Variants in BIVM observed in about 807,000 individuals in gnomAD.
BIVM encodes the protein basic immunoglobulin-like variable motif-containing protein.
A neutral mutation model predicts 61.4 loss-of-function variants in BIVM; 31 were observed. The ratio of observed to expected loss-of-function variants is 0.51; its 90% CI spans 0.38 to 0.68. The LOEUF is 0.68. Among genes scored for constraint, BIVM ranks in the 30% least tolerant of loss-of-function variants. The pLI is 0.00. For synonymous variants in BIVM, 189 were observed against 210.7 expected (o/e 0.90, Z 0.89); for missense variants, 526 against 596.0 (o/e 0.88, Z 1.22).
chr13:102,818,068 T>C (rs975908191), intron 4 of BIVM, among the ~76,000 whole-genome samples: 9 of 152,070 alleles, frequency 5.9e-5, no homozygotes, highest in Non-Finnish European at 1.3e-4. Context: ...TGAAAGGAGG[T>C]AATGATCACC....
Position 102,807,371 on chromosome 13 carries a change from C to A in BIVM, c.104C>A (p.Ser35Tyr), listed in dbSNP as rs1254366556. 2 of 1,614,194 alleles carry A rather than the reference C, an allele frequency of 1.2e-6. No individual in the cohort carries two copies. Among genetic ancestry groups the A allele is most frequent in the Non-Finnish European group, 1.7e-6 (2 of 1,180,042 alleles). Residue 35 changes from serine (S) to tyrosine (Y), a missense_variant, in exon 3 of 11, where the codon TCT becomes TAT. Around this residue, in one of 3 missense-constraint regions of BIVM, gnomAD observed 312 missense variants for 343.8 expected, o/e 0.91. Coordinates refer to ENST00000257336, the MANE Select transcript of BIVM (RefSeq NM_017693.4). This position sits in a 1 kb window ranked among gnomAD's most constrained non-coding sequence, Gnocchi z 4.0. ...PEENLQGAVK[S>Y]FCTSASGAPL... ...GAGAATCTACAAGGTGCTGTAAAAT[C>A]TTTCTGCACAAGTGCCTCAGGAGCA...
chr13:102,829,623 G>A (rs1880916528), intron 7 of BIVM, among the ~76,000 whole-genome samples: 1 of 152,092 alleles, frequency 6.6e-6, no homozygotes. Flanking sequence ...CGGGACACTT[G>A]ATTTTGGGAA....
intron 7 of BIVM, 32 bp downstream of exon 7, chr13:102,822,191 A>G: frequency 6.3e-7 from 1 of 1,585,074 alleles, no homozygotes; most frequent in Non-Finnish European, 8.7e-7. Flanking sequence ...TTACATACAC[A>G]CATACACACA....
At chr13:102,825,753 C>T (rs1231783402) in intron 7 of BIVM, among the ~76,000 whole-genome samples, 1 of 152,166 alleles carries the variant, frequency 6.6e-6, no homozygotes, top group Non-Finnish European at 1.5e-5. Flanking sequence ...ATTTATTTGT[C>T]CATCCTGGAC....
At chr13:102,821,533 T>A (rs1880285130) in intron 5 of BIVM, among the ~76,000 whole-genome samples, 1 of 152,014 alleles carries the variant, frequency 6.6e-6, no homozygotes, top group African/African-American at 2.4e-5. Context: ...GCCCAGGAGT[T>A]TAAGGCTGCA....
At chr13:102,817,795 T>G (rs1879975960) in intron 4 of BIVM, among the ~76,000 whole-genome samples, 1 of 152,170 alleles carries the variant, frequency 6.6e-6, no homozygotes, top group Admixed American at 6.5e-5. Flanking sequence ...TGAAAACAAG[T>G]TTAATTCATG....
chr13:102,837,575 A>C (rs1881562897), intron 9 of BIVM, among the ~76,000 whole-genome samples: 1 of 152,248 alleles, frequency 6.6e-6, no homozygotes, highest in African/African-American at 2.4e-5. Context: ...AAGGAAAATA[A>C]GTCATATGAA....
chr13:102,831,915 G>A (rs1881112395), intron 8 of BIVM, among the ~76,000 whole-genome samples: 1 of 150,610 alleles, frequency 6.6e-6, no homozygotes, highest in Non-Finnish European at 1.5e-5. Context: ...CGTGGTGGCA[G>A]GCGCCTGTAG....
Position 102,839,658 on chromosome 13 carries a change from T to C in BIVM, c.1305T>C (p.Ile435=). The change falls in exon 11 of 11, where the codon ATT becomes ATC. Residue 435 remains isoleucine (I), a synonymous_variant. Transcript: ENST00000257336. ...FGLWNFPFGT[I]RQESQPPTHA... The stretch of plus-strand genomic sequence containing the variant: ...TTTGGAACTTTCCATTTGGAACCAT[T>C]AGACAAGAATCACAACCTCCAACAC... 3.1e-6 allele frequency: 5 copies of C among 1,614,154 alleles called. No homozygotes were observed. The highest frequency in any genetic ancestry group is 4.2e-6 in the Non-Finnish European group (5 of 1,180,026).
intron 9 of BIVM, among the ~76,000 whole-genome samples, chr13:102,837,385 T>A (rs550087262): frequency 1.1e-3 from 160 of 152,322 alleles, no homozygotes; most frequent in African/African-American, 3.7e-3. Flanking sequence ...TTTAAAAAAA[T>A]TTTTTCAGTA....
chr13:102,838,612 A>C, intron 9 of BIVM, 31 bp from the exon 10 acceptor site: 1 of 1,569,120 alleles, frequency 6.4e-7, no homozygotes, highest in South Asian at 1.2e-5. Flanking sequence ...CCTAAAGAAA[A>C]TTGTGCTTTA....
At chr13:102,832,740 A>G (rs137970891) in intron 8 of BIVM, among the ~76,000 whole-genome samples, 103 of 152,326 alleles carry the variant, frequency 6.8e-4, no homozygotes, top group African/African-American at 2.2e-3. Flanking sequence ...TTTATTTCCA[A>G]TGTCAGAAAC....
intron 3 of BIVM, among the ~76,000 whole-genome samples, chr13:102,816,205 A>G (rs927902439): frequency 6.6e-6 from 1 of 152,194 alleles, no homozygotes; most frequent in African/African-American, 2.4e-5. Flanking sequence ...TTTCTCTTTA[A>G]GGTAGGGGAC....
chr13:102,801,165 A>C (rs1047768816), intron 1 of BIVM, among the ~76,000 whole-genome samples: 1 of 152,072 alleles, frequency 6.6e-6, no homozygotes, highest in African/African-American at 2.4e-5. Context: ...CGAGCAAACC[A>C]TATTTCTATT....
At chr13:102,824,179 A>G (rs1168013969) in intron 7 of BIVM, among the ~76,000 whole-genome samples, 1 of 152,178 alleles carries the variant, frequency 6.6e-6, no homozygotes, top group Non-Finnish European at 1.5e-5. Context: ...TAAACTGAAT[A>G]CATAGCAGTT....
At chr13:102,815,852 A>G (rs1183337695) in intron 3 of BIVM, among the ~76,000 whole-genome samples, 2 of 152,204 alleles carry the variant, frequency 1.3e-5, no homozygotes, top group African/African-American at 4.8e-5. Flanking sequence ...TCTGTGCTAG[A>G]GTTGCATTTT....
intron 8 of BIVM, among the ~76,000 whole-genome samples, chr13:102,833,483 A>G (rs917281499): frequency 3.3e-5 from 5 of 151,838 alleles, no homozygotes; most frequent in African/African-American, 7.3e-5. Context: ...ACACACCACC[A>G]TACTTGGCTA....
chr13:102,802,072 G>C (rs1484359623), intron 1 of BIVM, among the ~76,000 whole-genome samples: 1 of 152,208 alleles, frequency 6.6e-6, no homozygotes, highest in East Asian at 1.9e-4. Context: ...GGAGTTCTGT[G>C]ATCATATATA....
rs754388366 is a variant in BIVM at position 102,839,824 on chromosome 13, A to G, written c.1471A>G (p.Ser491Gly). The G allele has an allele frequency of 1.9e-6, 3 of 1,613,684 alleles. No individual in the cohort carries two copies. The highest frequency in any genetic ancestry group is 1.1e-5 in the South Asian group (1 of 91,086). ...GTCTAGTATCCATGAGAGAAGGAAC[A>G]GTGGTTACCAGGGTTACAGTGATTA... ...KMSSIHERRNSGYQGYSDYDG... is the reference protein window; with the variant it reads ...KMSSIHERRNGGYQGYSDYDG... The change falls in exon 11 of 11, where the codon AGT becomes GGT. Residue 491 changes from serine (S) to glycine (G), a missense_variant. Around this residue, in one of 3 missense-constraint regions of BIVM, gnomAD observed 210 missense variants for 233.1 expected, o/e 0.90. Coordinates refer to ENST00000257336, the MANE Select transcript of BIVM (RefSeq NM_017693.4).
Sources: gnomAD v4.1 joint callset for allele counts (sites outside exome capture counted in the v4.1 genomes callset) on GRCh38, gnomAD v4.1.1 for gene constraint, gnomAD v4.1.1 regional missense constraint, Gnocchi (gnomAD v3.1) non-coding constraint, MANE v1.5 for transcripts, NCBI Gene and HGNC (gene_info 2026-07-23, HGNC 2026-07-21) for gene names.